Variants in CCND3 observed in about 807,000 individuals in gnomAD.
CCND3 encodes G1/S-specific cyclin-D3.
Under a neutral mutation model 28.7 loss-of-function variants are expected in CCND3, and 9 were observed. The ratio of observed to expected loss-of-function variants is 0.31; its 90% CI spans 0.19 to 0.55. The LOEUF is 0.55. Ranked by LOEUF, CCND3 falls within the 20% of genes least tolerant of loss-of-function variation. The probability of loss-of-function intolerance (pLI) is 0.93; values close to 1 mark genes in which losing one functional copy is unlikely to be tolerated. For missense variants in CCND3, 315 were observed against 385.8 expected (o/e 0.82, Z 1.54); for synonymous variants, 164 against 163.9 (o/e 1.00, Z 0.00).
At position 41,941,030 on chromosome 6, in the gene CCND3, AC is replaced by A. The variant is rs1483579859; in HGVS notation, c.198+421del. 6.2e-7 allele frequency: 1 copy of A among 1,605,706 alleles called. No individual in the cohort carries two copies. Among genetic ancestry groups the A allele is most frequent in the Admixed American group, 1.7e-5 (1 of 59,274 alleles). Reference sequence around the variant, plus strand: ...TGTCGGCCGGAACAGGGCGCGCGCCACCCCCATCGCCTTCCCCGCCAGAACC... The same window carrying A: ...TGTCGGCCGGAACAGGGCGCGCGCCACCCCATCGCCTTCCCCGCCAGAACC... On this transcript the variant is annotated intron_variant, in intron 1 of 4. Transcript: ENST00000372991. The surrounding 1 kb of genome is among the most constrained non-coding windows in gnomAD (Gnocchi z 6.1).
intron 1 of CCND3, among the ~76,000 whole-genome samples, chr6:41,985,304 C>CTTTTTTTTTTTTTTTT (rs56672487): frequency 1.9e-5 from 1 of 53,284 alleles, no homozygotes; most frequent in Admixed American, 2.9e-4. Flanking sequence ...CAGTTCAAGT[C>CTTTTTTTTTTTTTTTT]TTTTTTTTTT....
chr6:41,936,625 C>G lies in CCND3; in HGVS notation c.645G>C (p.Leu215=). 1 of 1,614,194 alleles carries G rather than the reference C, an allele frequency of 6.2e-7. No individual in the cohort carries two copies. The highest frequency in any genetic ancestry group is 8.5e-7 in the Non-Finnish European group (1 of 1,180,024). ...TGSIGAAVQG[L]GACSMSGDEL... is the part of the protein sequence containing the mutation. ...CATCCCCGGACATGGAGCAGGCACC[C>G]AGGCCTTGCACTGCAGCCCCAATGC... The change falls in exon 4 of 5, where the codon CTG becomes CTC. Residue 215 remains leucine, a synonymous_variant. Transcript: ENST00000372991. This position sits in a 1 kb window ranked among gnomAD's most constrained non-coding sequence, Gnocchi z 4.4.
intron 1 of CCND3, among the ~76,000 whole-genome samples, chr6:42,038,793 A>G (rs1764296740): frequency 6.6e-6 from 1 of 152,166 alleles, no homozygotes; most frequent in African/African-American, 2.4e-5. Flanking sequence ...CCACCATTTA[A>G]AACTGCTCCG....
chr6:41,951,337 G>A (rs1016727249), intron 1 of CCND3, among the ~76,000 whole-genome samples: 11 of 151,574 alleles, frequency 7.3e-5, no homozygotes, highest in East Asian at 2.0e-4. Flanking sequence ...GGGTGGATCC[G>A]AAGTCAAGAG....
intron 1 of CCND3, among the ~76,000 whole-genome samples, chr6:42,030,624 G>C (rs1293701003): frequency 6.6e-6 from 1 of 152,126 alleles, no homozygotes; most frequent in Admixed American, 6.5e-5. Context: ...GTCCTGCCTC[G>C]CCTTCCCCAG....
upstream of CCND3, among the ~76,000 whole-genome samples, chr6:41,946,070 A>C (rs751922166): frequency 1.3e-5 from 2 of 152,112 alleles, no homozygotes; most frequent in Non-Finnish European, 2.9e-5. Context: ...AGGACCCTCC[A>C]GGGCCTGGAG....
chr6:42,025,163 G>A (rs1195091419), intron 1 of CCND3, among the ~76,000 whole-genome samples: 3 of 152,230 alleles, frequency 2.0e-5, no homozygotes, highest in Admixed American at 6.5e-5. Context: ...ACCCATGCAC[G>A]CAGGCAGACA....
At chr6:41,967,019 T>G (rs1761905168) in intron 1 of CCND3, among the ~76,000 whole-genome samples, 1 of 152,184 alleles carries the variant, frequency 6.6e-6, no homozygotes, top group South Asian at 2.1e-4. Flanking sequence ...AGGCCTTGTT[T>G]TAAGTGCCGG....
Position 41,938,678 on chromosome 6 carries a change from G to A in CCND3, c.415-1284C>T, listed in dbSNP as rs1207280171. Among the ~76,000 whole-genome samples, 1 of 152,224 alleles carries A rather than the reference G, an allele frequency of 6.6e-6. No homozygotes were observed. The highest frequency in any genetic ancestry group is 6.5e-5 in the Admixed American group (1 of 15,290). ...CCAGAGAATCCCAGTGTTAACTGGT[G>A]GAGAACACACCCCTGGGAGTGCTTA... On this transcript the variant is annotated intron_variant, in intron 2 of 4. Transcript: ENST00000372991. The surrounding 1 kb of genome is among the most constrained non-coding windows in gnomAD (Gnocchi z 4.6).
At chr6:41,956,538 A>G (rs1457412103) in intron 1 of CCND3, among the ~76,000 whole-genome samples, 1 of 152,144 alleles carries the variant, frequency 6.6e-6, no homozygotes, top group Non-Finnish European at 1.5e-5. Flanking sequence ...TATGTATGGC[A>G]CCATCTTTCT....
chr6:41,954,220 C>CAGCCTGGG (rs1439989289), intron 1 of CCND3, among the ~76,000 whole-genome samples: 1 of 123,828 alleles, frequency 8.1e-6, no homozygotes, highest in Non-Finnish European at 1.6e-5. Context: ...CGCTGCACTC[C>CAGCCTGGG]AGCCTGGGGT....
chr6:42,000,752 A>G (rs895370327), intron 1 of CCND3, among the ~76,000 whole-genome samples: 7 of 141,870 alleles, frequency 4.9e-5, no homozygotes, highest in Non-Finnish European at 1.1e-4. Flanking sequence ...TTTTTAGTAG[A>G]GACGGGGTTT....
chr6:41,983,342 A>G (rs926725961), intron 1 of CCND3, among the ~76,000 whole-genome samples: 3 of 151,652 alleles, frequency 2.0e-5, no homozygotes, highest in African/African-American at 7.3e-5. Context: ...ATTGCACTCC[A>G]ACCTGGGCAA....
rs1775815683 is a variant in CCND3, at chr6:41,936,792, G to A, written c.575-97C>T. The A allele has an allele frequency of 7.7e-6, 10 of 1,303,832 alleles. No individual in the cohort carries two copies. The highest frequency in any genetic ancestry group is 1.1e-5 in the Non-Finnish European group (10 of 932,850). 80.8% of individuals were successfully genotyped at this position (1,303,832 alleles called of 1,614,324 possible). A position where few individuals can be genotyped will look rare whatever the true frequency, so the allele number is the denominator to read the frequency against. On this transcript the variant is annotated intron_variant, in intron 3 of 4. Transcript: ENST00000372991. This position sits in a 1 kb window ranked among gnomAD's most constrained non-coding sequence, Gnocchi z 4.4. ...CCTTGGAAAGTGCCAGGCAGCATGA[G>A]TAGAGCAGAGGACATGCTGGAAAAC...
upstream of CCND3, among the ~76,000 whole-genome samples, chr6:41,943,397 A>T (rs1375207461): frequency 6.9e-6 from 1 of 144,848 alleles, no homozygotes; most frequent in Non-Finnish European, 1.6e-5. Flanking sequence ...AGCTTTTTTC[A>T]TTAAAAAAAT....
chr6:42,016,780 T>C (rs1359130505), intron 1 of CCND3, among the ~76,000 whole-genome samples: 1 of 151,988 alleles, frequency 6.6e-6, no homozygotes, highest in East Asian at 1.9e-4. Context: ...AGACAGGGTT[T>C]TACCATGTTG....
At position 42,022,965 on chromosome 6, in the gene CCND3, GA is replaced by G. The variant is rs566426174; in HGVS notation, c.-46+25535del. On this transcript the variant is annotated intron_variant, in intron 1 of 4. Coordinates refer to the CCND3 transcript ENST00000372988. ...CTGCATCTTGTGGGGATAGGACTAA[GA>G]GGGGGACCATGTACGGGTACAGCCA... Among the ~76,000 whole-genome samples the G allele has an allele frequency of 3.3e-3, 501 of 152,354 alleles. 3 individuals are homozygous for G. Among genetic ancestry groups the G allele is most frequent in the African/African-American group, 0.011 (466 of 41,582 alleles).
chr6:42,044,453 CAT>C (rs1249711155), intron 1 of CCND3, among the ~76,000 whole-genome samples: 1 of 152,160 alleles, frequency 6.6e-6, no homozygotes, highest in Non-Finnish European at 1.5e-5. Flanking sequence ...CAAAGAATGA[CAT>C]AGAAGAGGAA....
intron 1 of CCND3, chr6:42,011,216 C>G (rs1763337846): frequency 6.6e-6 from 1 of 152,240 alleles, no homozygotes; most frequent in Non-Finnish European, 1.5e-5. Flanking sequence ...CTCCTGGGCT[C>G]AAGCAATTCT....
Sources: gnomAD v4.1 joint callset for allele counts (sites outside exome capture counted in the v4.1 genomes callset) on GRCh38, gnomAD v4.1.1 for gene constraint, Gnocchi (gnomAD v3.1) non-coding constraint, MANE v1.5 for transcripts, NCBI Gene and HGNC (gene_info 2026-07-23, HGNC 2026-07-21) for gene names.